The following GALNTL6 variants were observed in gnomAD, a reference collection of about 807,000 sequenced individuals.
GALNTL6 encodes polypeptide N-acetylgalactosaminyltransferase like 6, also known as polypeptide N-acetylgalactosaminyltransferase-like 6.
Under a neutral mutation model 73.7 loss-of-function variants are expected in GALNTL6, and 46 were observed. The ratio of observed to expected loss-of-function variants is 0.62; its 90% CI spans 0.49 to 0.80. The LOEUF (loss-of-function observed/expected upper bound fraction) is 0.80, where lower values mean the gene tolerates loss of function less well. Ranked by LOEUF, GALNTL6 falls within the 30% of genes least tolerant of loss-of-function variation. The pLI is 0.00. For missense variants in GALNTL6, 604 were observed against 755.0 expected (o/e 0.80, Z 2.34); for synonymous variants, 259 against 263.7 (o/e 0.98, Z 0.17).
intron 2 of GALNTL6, among the ~76,000 whole-genome samples, chr4:172,134,199 C>T (rs1163573598): frequency 2.0e-5 from 3 of 151,910 alleles, no homozygotes; most frequent in East Asian, 1.9e-4. Context: ...CTGGCTAACT[C>T]GGTGAAACCC....
At chr4:172,012,512 C>G (rs552515920) in intron 2 of GALNTL6, among the ~76,000 whole-genome samples, 1 of 152,156 alleles carries the variant, frequency 6.6e-6, no homozygotes, top group South Asian at 2.1e-4. Flanking sequence ...AAGCCCTATT[C>G]TATAGTAAAT....
intron 7 of GALNTL6, among the ~76,000 whole-genome samples, chr4:172,849,094 G>A (rs768113837): frequency 1.3e-5 from 2 of 151,966 alleles, no homozygotes; most frequent in African/African-American, 4.8e-5. Context: ...AGTTGAATTG[G>A]GGGAGATACC....
intron 7 of GALNTL6, among the ~76,000 whole-genome samples, chr4:172,838,833 A>C (rs1460884396): frequency 1.3e-5 from 2 of 152,204 alleles, no homozygotes; most frequent in African/African-American, 2.4e-5. Flanking sequence ...AAAAGTCTTA[A>C]ATTTGGTATT....
chr4:172,258,124 G>T (rs1356590336), intron 3 of GALNTL6, among the ~76,000 whole-genome samples: 8 of 151,160 alleles, frequency 5.3e-5, no homozygotes, highest in African/African-American at 1.7e-4. Flanking sequence ...GAATATACTG[G>T]ACAAAAAGCA....
intron 2 of GALNTL6, among the ~76,000 whole-genome samples, chr4:172,125,573 A>C (rs1314600300): frequency 6.6e-6 from 1 of 152,076 alleles, no homozygotes; most frequent in Admixed American, 6.5e-5. Flanking sequence ...ATCACACACA[A>C]ATTTCCATCA....
chr4:172,250,769 A>G lies in GALNTL6; in HGVS notation c.247+21005A>G, dbSNP rs535514722. Reference sequence around the variant, plus strand: ...GTCTCAGGTATTTCCTCATAGTAGCATGAGAACAGACTGATACAGCCATGG... The same window carrying G: ...GTCTCAGGTATTTCCTCATAGTAGCGTGAGAACAGACTGATACAGCCATGG... On this transcript the variant is annotated intron_variant, in intron 3 of 12. Coordinates refer to ENST00000506823, the MANE Select transcript of GALNTL6 (RefSeq NM_001034845.3). Among the ~76,000 whole-genome samples the G allele has an allele frequency of 7.2e-5, 11 of 152,282 alleles. No individual in the cohort carries two copies. In the East Asian group the frequency reaches 2.1e-3, roughly 29 times the overall value.
At chr4:172,860,135 A>G (rs1744324070) in intron 7 of GALNTL6, among the ~76,000 whole-genome samples, 2 of 152,296 alleles carry the variant, frequency 1.3e-5, no homozygotes, top group African/African-American at 4.8e-5. Flanking sequence ...CCACTGCTCA[A>G]TGATACAAAC....
At chr4:172,297,878 A>G (rs1739743994) in intron 3 of GALNTL6, among the ~76,000 whole-genome samples, 5 of 152,140 alleles carry the variant, frequency 3.3e-5, no homozygotes, top group African/African-American at 7.2e-5. Flanking sequence ...GTTTTTTCCA[A>G]TTCTGTGAAG....
rs781359134 is a variant in GALNTL6 at position 171,991,875 on chromosome 4, T to C, written c.138+177157T>C. Among the ~76,000 whole-genome samples the C allele has an allele frequency of 3.6e-4, 54 of 151,544 alleles. 1 individual carries two copies. Among genetic ancestry groups the C allele is most frequent in the Non-Finnish European group, 7.2e-4 (49 of 67,762 alleles). On this transcript the variant is annotated intron_variant, in intron 2 of 12. Coordinates refer to ENST00000506823, the MANE Select transcript of GALNTL6 (RefSeq NM_001034845.3). Reference sequence around the variant, plus strand: ...TAAATAAAATCCAAGAAAATAGCAATTCAATCTTATGTCAATAAGTAACTG... The same window carrying C: ...TAAATAAAATCCAAGAAAATAGCAACTCAATCTTATGTCAATAAGTAACTG...
At chr4:172,054,947 CT>C (rs1285143095) in intron 2 of GALNTL6, among the ~76,000 whole-genome samples, 1 of 152,092 alleles carries the variant, frequency 6.6e-6, no homozygotes, top group Non-Finnish European at 1.5e-5. Flanking sequence ...ATGTAACAAA[CT>C]TTGACTGTCT....
chr4:172,744,535 G>A (rs1736984773), intron 5 of GALNTL6, among the ~76,000 whole-genome samples: 1 of 152,010 alleles, frequency 6.6e-6, no homozygotes, highest in African/African-American at 2.4e-5. Context: ...TCAGGGTTCT[G>A]GTCACCAGAT....
intron 5 of GALNTL6, among the ~76,000 whole-genome samples, chr4:172,629,074 C>A (rs1269452548): frequency 6.6e-6 from 1 of 152,064 alleles, no homozygotes; most frequent in Non-Finnish European, 1.5e-5. Flanking sequence ...TCCACTCTTC[C>A]AAAAAATCAC....
intron 5 of GALNTL6, among the ~76,000 whole-genome samples, chr4:172,798,294 A>G (rs994377752): frequency 3.3e-5 from 5 of 152,158 alleles, no homozygotes; most frequent in Non-Finnish European, 5.9e-5. Flanking sequence ...ATAATCCCCA[A>G]TGTTGGAGGT....
At chr4:172,209,121 AG>A (rs1736240137) in intron 2 of GALNTL6, among the ~76,000 whole-genome samples, 1 of 152,108 alleles carries the variant, frequency 6.6e-6, no homozygotes, top group African/African-American at 2.4e-5. Context: ...TATTTGCTCA[AG>A]ATGTTAAACT....
chr4:172,295,071 C>T (rs751467410), intron 3 of GALNTL6, among the ~76,000 whole-genome samples: 3 of 151,982 alleles, frequency 2.0e-5, no homozygotes, highest in African/African-American at 7.2e-5. Context: ...ATAGTGCTTT[C>T]GTTTAATGTA....
chr4:171,864,360 A>G (rs1024997312), intron 2 of GALNTL6, among the ~76,000 whole-genome samples: 4 of 142,056 alleles, frequency 2.8e-5, no homozygotes, highest in Non-Finnish European at 6.1e-5. Context: ...TCAGTCTATG[A>G]TAAATATGCT....
chr4:172,230,693 G>A (rs1737032519), intron 3 of GALNTL6, among the ~76,000 whole-genome samples: 1 of 152,138 alleles, frequency 6.6e-6, no homozygotes, highest in Admixed American at 6.5e-5. Flanking sequence ...TCCAGTGAAA[G>A]TGAGTAACTC....
chr4:172,939,144 A>T (rs1748782512), intron 9 of GALNTL6, among the ~76,000 whole-genome samples: 1 of 152,026 alleles, frequency 6.6e-6, no homozygotes, highest in African/African-American at 2.4e-5. Flanking sequence ...TTTTTTTTTA[A>T]AGTTACCTGG....
intron 2 of GALNTL6, among the ~76,000 whole-genome samples, chr4:172,092,882 T>C (rs1261576557): frequency 1.7e-4 from 26 of 149,238 alleles, no homozygotes; most frequent in Non-Finnish European, 2.8e-4. Context: ...TTTCTTTTTT[T>C]TTTTTTTTTT....
Sources: allele counts gnomAD v4.1 joint callset (sites outside exome capture counted in the v4.1 genomes callset), GRCh38; gene constraint gnomAD v4.1.1; transcripts MANE v1.5; gene names NCBI Gene and HGNC (gene_info 2026-07-23, HGNC 2026-07-21).